The following PHACTR1 variants were observed in gnomAD, a reference collection of about 807,000 sequenced individuals.
PHACTR1 encodes the protein RPEL repeat containing 1.
PHACTR1 carries 16 observed loss-of-function variants against 69.2 expected under a neutral mutation model. The ratio of observed to expected loss-of-function variants is 0.23; its 90% CI spans 0.16 to 0.35. The LOEUF is 0.35. Ranked by LOEUF, PHACTR1 falls within the 10% of genes least tolerant of loss-of-function variation. The probability of loss-of-function intolerance (pLI) is 1.00; values close to 1 mark genes in which losing one functional copy is unlikely to be tolerated. For missense variants in PHACTR1, 510 were observed against 734.7 expected, an observed-to-expected ratio of 0.69 and a Z score of 3.54; for synonymous variants, 312 against 284.5, an observed-to-expected ratio of 1.10 and a Z score of -0.97.
chr6:12,791,258 G>T (rs931871624), intron 4 of PHACTR1, among the ~76,000 whole-genome samples: 1 of 152,130 alleles, frequency 6.6e-6, no homozygotes, highest in Non-Finnish European at 1.5e-5. Flanking sequence ...TTTGAATGAG[G>T]ATATTAACAA....
chr6:13,273,309 T>A (rs1049165666), intron 11 of PHACTR1: 123 of 178,672 alleles, frequency 6.9e-4, no homozygotes, highest in African/African-American at 2.7e-3. Flanking sequence ...CCATTTGAAC[T>A]GAGACTAGAA....
chr6:13,176,718 G>T (rs1315907391), intron 6 of PHACTR1, among the ~76,000 whole-genome samples: 1 of 151,862 alleles, frequency 6.6e-6, no homozygotes, highest in Non-Finnish European at 1.5e-5. Flanking sequence ...TTTTTATTCT[G>T]GTTTTAAAGT....
At chr6:12,760,910 G>T (rs1161383876) in intron 4 of PHACTR1, among the ~76,000 whole-genome samples, 1 of 152,180 alleles carries the variant, frequency 6.6e-6, no homozygotes, top group Non-Finnish European at 1.5e-5. Context: ...TCCAGCATGG[G>T]CAAAAAGAGT....
chr6:13,283,648 A>T lies in PHACTR1; in HGVS notation c.1650+86A>T, dbSNP rs148195199. 4 of 1,595,878 alleles carry T rather than the reference A, an allele frequency of 2.5e-6. No homozygotes were observed. The African/African-American group carries it at 5.4e-5, about 21-fold the overall frequency. On this transcript the variant is annotated intron_variant, in intron 13 of 14. Coordinates refer to ENST00000332995, the MANE Select transcript of PHACTR1 (RefSeq NM_030948.6). This position sits in a 1 kb window ranked among gnomAD's most constrained non-coding sequence, Gnocchi z 4.7. Reference sequence around the variant, plus strand: ...TCACCGCTGGGGAGCGTGTAGGGAGACCTGCAGCCAGGCCTCAGCCGCAGT... The same window carrying T: ...TCACCGCTGGGGAGCGTGTAGGGAGTCCTGCAGCCAGGCCTCAGCCGCAGT...
chr6:13,227,474 A>G (rs1055315798), intron 8 of PHACTR1, among the ~76,000 whole-genome samples: 36 of 152,212 alleles, frequency 2.4e-4, no homozygotes, highest in African/African-American at 8.7e-4. Flanking sequence ...TAAAGCATAC[A>G]GTTCAATGGC....
chr6:12,887,881 C>A (rs1161388368), intron 4 of PHACTR1, among the ~76,000 whole-genome samples: 1 of 150,994 alleles, frequency 6.6e-6, no homozygotes, highest in African/African-American at 2.4e-5. Flanking sequence ...CCGGCCTGGG[C>A]AATATGATGA....
intron 4 of PHACTR1, among the ~76,000 whole-genome samples, chr6:12,780,335 C>T (rs1310124584): frequency 1.3e-5 from 2 of 150,146 alleles, no homozygotes; most frequent in African/African-American, 2.5e-5. Context: ...ATGTACATAC[C>T]TAAGTATTCT....
At chr6:13,202,649 G>A (rs559985039) in intron 7 of PHACTR1, among the ~76,000 whole-genome samples, 9 of 152,226 alleles carry the variant, frequency 5.9e-5, no homozygotes, top group African/African-American at 1.7e-4. Context: ...AGCTAATTTT[G>A]TATTTTTAGT....
intron 5 of PHACTR1, among the ~76,000 whole-genome samples, chr6:13,069,024 C>T (rs898655642): frequency 1.3e-5 from 2 of 152,054 alleles, no homozygotes; most frequent in Non-Finnish European, 2.9e-5. Context: ...ATATGGTCAC[C>T]CTGTACAAAA....
At chr6:13,103,512 C>T (rs1815527514) in intron 5 of PHACTR1, among the ~76,000 whole-genome samples, 3 of 152,182 alleles carry the variant, frequency 2.0e-5, no homozygotes, top group Non-Finnish European at 4.4e-5. Flanking sequence ...CAATTCATCT[C>T]CCAGTACCTG....
chr6:13,181,629 C>T (rs1762187268), intron 6 of PHACTR1, among the ~76,000 whole-genome samples: 2 of 152,190 alleles, frequency 1.3e-5, no homozygotes, highest in Admixed American at 1.3e-4. Context: ...TCAAAGTCTG[C>T]ACTACGTGGC....
intron 4 of PHACTR1, among the ~76,000 whole-genome samples, chr6:12,860,424 C>T (rs1443073466): frequency 6.6e-6 from 1 of 152,076 alleles, no homozygotes; most frequent in African/African-American, 2.4e-5. Flanking sequence ...GGTTCCAAGT[C>T]TTTGCTATTG....
chr6:12,763,286 T>A (rs1768243841), intron 4 of PHACTR1, among the ~76,000 whole-genome samples: 1 of 152,056 alleles, frequency 6.6e-6, no homozygotes, highest in South Asian at 2.1e-4. Context: ...ACAACATGTA[T>A]TAAGTCTAAG....
intron 4 of PHACTR1, among the ~76,000 whole-genome samples, chr6:12,935,938 T>A (rs917785780): frequency 1.6e-4 from 25 of 152,142 alleles, no homozygotes; most frequent in African/African-American, 5.3e-4. Context: ...GGGAGGTATG[T>A]TTTCTCATTT....
chr6:13,087,121 A>T (rs1260081525), intron 5 of PHACTR1, among the ~76,000 whole-genome samples: 1 of 148,050 alleles, frequency 6.8e-6, no homozygotes, highest in Non-Finnish European at 1.5e-5. Flanking sequence ...AGACTGTTTT[A>T]TATATATATG....
chr6:13,205,769 G>T (rs2113872111), intron 7 of PHACTR1, 46 bp from the exon 8 acceptor site: 1 of 1,513,526 alleles, frequency 6.6e-7, no homozygotes, highest in South Asian at 1.3e-5. Flanking sequence ...AGTTTCTTCT[G>T]ATGCCCCCAA....
chr6:13,264,364 AC>A (rs370703442), intron 10 of PHACTR1, among the ~76,000 whole-genome samples: 15 of 150,520 alleles, frequency 1.0e-4, no homozygotes, highest in Non-Finnish European at 2.1e-4. Flanking sequence ...TTCTCCCTCC[AC>A]CCCCCACCAT....
At chr6:12,911,115 C>T (rs1253455564) in intron 4 of PHACTR1, among the ~76,000 whole-genome samples, 1 of 152,204 alleles carries the variant, frequency 6.6e-6, no homozygotes, top group Non-Finnish European at 1.5e-5. Context: ...CTTAACAAAG[C>T]TGTGCAAAAC....
chr6:13,145,233 T>C (rs1242522531), intron 5 of PHACTR1, among the ~76,000 whole-genome samples: 3 of 152,250 alleles, frequency 2.0e-5, no homozygotes. Context: ...TCTTGAGAAG[T>C]AGCTGAGCAA....
Sources: gnomAD v4.1 joint callset for allele counts (sites outside exome capture counted in the v4.1 genomes callset) on GRCh38, gnomAD v4.1.1 for gene constraint, Gnocchi (gnomAD v3.1) non-coding constraint, MANE v1.5 for transcripts, NCBI Gene and HGNC (gene_info 2026-07-23, HGNC 2026-07-21) for gene names.